The following ITGA4 variants were observed in gnomAD, a reference collection of about 807,000 sequenced individuals.
ITGA4 encodes the protein integrin subunit alpha 4.
Under a neutral mutation model 133.6 loss-of-function variants are expected in ITGA4, and 63 were observed. The observed-to-expected ratio is 0.47, with a 90% CI of 0.38 to 0.58. The LOEUF (loss-of-function observed/expected upper bound fraction) is 0.58. Ranked by LOEUF, ITGA4 falls within the 20% of genes least tolerant of loss-of-function variation. The pLI is 0.00. For synonymous variants in ITGA4, 483 were observed against 438.0 expected (o/e 1.10, Z -1.28); for missense variants, 1,076 against 1,252.7 (o/e 0.86, Z 2.13).
chr2:181,493,746 G>A (rs765966296), intron 11 of ITGA4, among the ~76,000 whole-genome samples: 3 of 152,132 alleles, frequency 2.0e-5, no homozygotes, highest in African/African-American at 7.2e-5. Context: ...TTGATTAACT[G>A]TGTCTTGGCC....
At position 181,538,258 on chromosome 2, in the gene ITGA4, A is replaced by G; in HGVS notation, c.*2731A>G. ...CTTGGATGCAATCTGTAAAGAAAAT[A>G]CATTATTTCATCAACTTATTTTGTT... On this transcript the variant is annotated 3_prime_UTR_variant, in exon 28 of 28. Transcript: ENST00000397033. 1 of 1,509,946 alleles carries G rather than the reference A, an allele frequency of 6.6e-7. No individual in the cohort carries two copies. The highest frequency in any genetic ancestry group is 9.2e-7 in the Non-Finnish European group (1 of 1,086,878). 93.5% of individuals were successfully genotyped at this position (1,509,946 alleles called of 1,614,324 possible). A position where few individuals can be genotyped will look rare whatever the true frequency, so the allele number is the denominator to read the frequency against.
chr2:181,537,743 A>G lies in ITGA4; in HGVS notation c.*2216A>G. 2.3e-6 allele frequency: 1 copy of G among 442,588 alleles called. No homozygotes were observed. The highest frequency in any genetic ancestry group is 4.5e-6 in the Non-Finnish European group (1 of 221,070). The allele number at this position is 442,588 out of a possible 1,614,324, so 27.4% of individuals were successfully genotyped here. On this transcript the variant is annotated 3_prime_UTR_variant, in exon 28 of 28. Coordinates refer to ENST00000397033, the MANE Select transcript of ITGA4 (RefSeq NM_000885.6). ...GTGTGTCCAATAAACACATTGTAAA[A>G]AAAAGAATTTGAATTGATATCTAAA...
intron 2 of ITGA4, among the ~76,000 whole-genome samples, chr2:181,460,549 G>T (rs1685248445): frequency 7.0e-6 from 1 of 142,656 alleles, no homozygotes; most frequent in Non-Finnish European, 1.5e-5. Flanking sequence ...ATATATATAA[G>T]CCATCTTCTG....
intron 4 of ITGA4, among the ~76,000 whole-genome samples, chr2:181,478,550 C>T (rs1042262372): frequency 6.6e-6 from 1 of 151,710 alleles, no homozygotes; most frequent in Non-Finnish European, 1.5e-5. Flanking sequence ...TATGAAGAAG[C>T]AGAGGGAGAT....
chr2:181,509,908 A>T (rs1411403114), intron 16 of ITGA4, 101 bp downstream of exon 16: 2 of 824,450 alleles, frequency 2.4e-6, no homozygotes, highest in Non-Finnish European at 3.8e-6. Context: ...CGGAATTTTT[A>T]AAAATACGAA....
chr2:181,466,846 A>G (rs1313693392), intron 2 of ITGA4, among the ~76,000 whole-genome samples: 1 of 152,122 alleles, frequency 6.6e-6, no homozygotes, highest in African/African-American at 2.4e-5. Flanking sequence ...GGCTCAGTTC[A>G]AAGCACCATA....
rs192648083 is a variant in ITGA4 at position 181,497,546 on chromosome 2, G to A, written c.1541-1077G>A. 8.6e-4 allele frequency among the ~76,000 whole-genome samples: 130 copies of A among 151,960 alleles called. No individual in the cohort carries two copies. In the Middle Eastern group the frequency reaches 0.017, roughly 20 times the overall value. ...TATAATTTTGAAATCCAATTGGCTT[G>A]GACTTCATTATTTTCCAACTAAAAA... On this transcript the variant is annotated intron_variant, in intron 14 of 27. Transcript: ENST00000397033.
rs1687085879 is a variant in ITGA4 at position 181,536,307 on chromosome 2, C to G, written c.*780C>G. 1.3e-5 allele frequency: 2 copies of G among 152,014 alleles called. No individual in the cohort carries two copies. The highest frequency in any genetic ancestry group is 2.9e-5 in the Non-Finnish European group (2 of 67,958). 9.4% of individuals were successfully genotyped at this position (152,014 alleles called of 1,614,324 possible). A position where few individuals can be genotyped will look rare whatever the true frequency, so the allele number is the denominator to read the frequency against. On this transcript the variant is annotated 3_prime_UTR_variant, in exon 28 of 28. Transcript: ENST00000397033. ...TATTCTTCCTATAACACACCTTTAT[C>G]AAGCATACCCAGGAGTAATCTTCAA... is the stretch of plus-strand genomic sequence containing the variant.
chr2:181,460,411 A>G (rs1685243839), intron 2 of ITGA4, among the ~76,000 whole-genome samples: 1 of 152,228 alleles, frequency 6.6e-6, no homozygotes, highest in African/African-American at 2.4e-5. Context: ...GCTATAAAAT[A>G]GGGATTGAGG....
At chr2:181,459,200 G>C (rs1347053225) in intron 2 of ITGA4, 11 of 152,278 alleles carry the variant, frequency 7.2e-5, no homozygotes, top group Middle Eastern at 3.4e-3. Flanking sequence ...CTTTTTAAAA[G>C]TTACTTAGCT....
At chr2:181,458,047 T>A (rs548160950) in intron 1 of ITGA4, 149 bp from the exon 2 acceptor site, 5 of 1,219,744 alleles carry the variant, frequency 4.1e-6, no homozygotes, top group African/African-American at 3.0e-5. Flanking sequence ...TGCGTTATGG[T>A]GCAAGGTCTT....
intron 9 of ITGA4, among the ~76,000 whole-genome samples, chr2:181,485,489 T>A (rs1201071151): frequency 6.6e-6 from 1 of 152,180 alleles, no homozygotes; most frequent in East Asian, 1.9e-4. Flanking sequence ...CCTATAACTG[T>A]GGGCTTATTG....
chr2:181,481,261 GT>G (rs1685795949), intron 6 of ITGA4, among the ~76,000 whole-genome samples: 1 of 152,194 alleles, frequency 6.6e-6, no homozygotes, highest in East Asian at 1.9e-4. Context: ...AAAGTTTAAA[GT>G]TTTCATTTCC....
At chr2:181,458,161 C>T (rs199620556) in intron 1 of ITGA4, 35 bp from the exon 2 acceptor site, 33 of 1,613,454 alleles carry the variant, frequency 2.0e-5, no homozygotes, top group Middle Eastern at 1.7e-4. Flanking sequence ...CAGCACAGCT[C>T]ACGTCTGAGC....
chr2:181,497,628 G>A (rs1686181798), intron 14 of ITGA4, among the ~76,000 whole-genome samples: 2 of 151,994 alleles, frequency 1.3e-5, no homozygotes, highest in Non-Finnish European at 2.9e-5. Flanking sequence ...TTATGCTTAT[G>A]TTTCCTTGAA....
intron 17 of ITGA4, among the ~76,000 whole-genome samples, chr2:181,521,867 A>T (rs1234747560): frequency 1.3e-5 from 2 of 152,192 alleles, no homozygotes; most frequent in Non-Finnish European, 2.9e-5. Flanking sequence ...CCTTTAGAAA[A>T]TGTTACGAAA....
chr2:181,493,380 C>T lies in ITGA4; in HGVS notation c.1209C>T (p.Tyr403=). 6.2e-7 allele frequency: 1 copy of T among 1,612,622 alleles called. No homozygotes were observed. Among genetic ancestry groups the T allele is most frequent in the Non-Finnish European group, 8.5e-7 (1 of 1,178,826 alleles). Residue 403 remains tyrosine, a synonymous_variant, in exon 11 of 28, where the codon TAC becomes TAT. Transcript: ENST00000397033. ...ACTTGCAAGGTGCTATTTATATTTACAATGGCCGTGCAGATGGGATCTCGT... is the reference window on the plus strand; with the variant it reads ...ACTTGCAAGGTGCTATTTATATTTATAATGGCCGTGCAGATGGGATCTCGT... ...EDDLQGAIYI[Y]NGRADGISST...
chr2:181,509,019 G>A (rs1686448785), intron 15 of ITGA4, among the ~76,000 whole-genome samples: 1 of 151,426 alleles, frequency 6.6e-6, no homozygotes, highest in African/African-American at 2.4e-5. Flanking sequence ...GTACACATCT[G>A]TAGTCCTAGC....
intron 12 of ITGA4, 43 bp downstream of exon 12, chr2:181,494,855 C>T (rs772006913): frequency 5.0e-6 from 5 of 996,610 alleles, no homozygotes; most frequent in Non-Finnish European, 6.5e-6. Context: ...GGAATAAGCT[C>T]TATCATAGAT....
Sources: allele counts gnomAD v4.1 joint callset (sites outside exome capture counted in the v4.1 genomes callset), GRCh38; gene constraint gnomAD v4.1.1; transcripts MANE v1.5; gene names NCBI Gene and HGNC (gene_info 2026-07-23, HGNC 2026-07-21).